Variants in LRMDA observed in about 807,000 individuals in gnomAD.
LRMDA encodes the protein leucine rich melanocyte differentiation associated.
LRMDA carries 18 observed loss-of-function variants against 29.8 expected under a neutral mutation model. The ratio of observed to expected loss-of-function variants is 0.60; its 90% CI spans 0.42 to 0.90. LRMDA has a LOEUF of 0.90. LRMDA is among the 40% of genes least tolerant of loss of function. The pLI is 0.00. For missense variants in LRMDA, 273 were observed against 273.9 expected (o/e 1.00, Z 0.02); for synonymous variants, 125 against 109.4 (o/e 1.14, Z -0.89).
At chr10:76,551,225 A>G (rs1351399475) in intron 6 of LRMDA, among the ~76,000 whole-genome samples, 1 of 152,164 alleles carries the variant, frequency 6.6e-6, no homozygotes, top group African/African-American at 2.4e-5. Context: ...TAAAAACACC[A>G]CCACGATTTA....
At chr10:75,873,548 T>C (rs1845147586) in intron 2 of LRMDA, among the ~76,000 whole-genome samples, 1 of 152,210 alleles carries the variant, frequency 6.6e-6, no homozygotes, top group African/African-American at 2.4e-5. Flanking sequence ...GCAATGTTTT[T>C]GTGGTAAACC....
At chr10:76,200,255 C>T (rs1248320513) in intron 5 of LRMDA, among the ~76,000 whole-genome samples, 1 of 152,188 alleles carries the variant, frequency 6.6e-6, no homozygotes, top group Non-Finnish European at 1.5e-5. Context: ...TGAGCCACTG[C>T]ATCCAGCTTA....
rs1384154818 is a variant in LRMDA at position 76,175,027 on chromosome 10, A to T, written c.516+116244A>T. ...TCCCAGCTACTCAGGAGGCTAAGGC[A>T]GGAGAATCGCTTCAACCTGGGGAGG... On this transcript the variant is annotated intron_variant, in intron 5 of 6. Coordinates refer to ENST00000611255, the MANE Select transcript of LRMDA (RefSeq NM_001305581.2). Among the ~76,000 whole-genome samples, 8 of 152,218 alleles carry T rather than the reference A, an allele frequency of 5.3e-5. No homozygotes were observed. The East Asian group carries it at 1.5e-3, about 29-fold the overall frequency.
At chr10:75,503,475 A>G (rs954216756) in intron 2 of LRMDA, among the ~76,000 whole-genome samples, 15 of 151,782 alleles carry the variant, frequency 9.9e-5, no homozygotes, top group African/African-American at 3.6e-4. Flanking sequence ...CACAGCCCCC[A>G]TGATTTAGTT....
intron 6 of LRMDA, among the ~76,000 whole-genome samples, chr10:76,370,272 T>C (rs1032844428): frequency 6.6e-6 from 1 of 152,016 alleles, no homozygotes; most frequent in Non-Finnish European, 1.5e-5. Flanking sequence ...AAAAAACCCA[T>C]CCAGCTATAA....
At chr10:75,782,951 T>G in intron 2 of LRMDA, 1 of 1,613,866 alleles carries the variant, frequency 6.2e-7, no homozygotes, top group Non-Finnish European at 8.5e-7. Context: ...AGAATTTGAA[T>G]GTCAATATCT....
chr10:75,971,312 C>A (rs1846965309), intron 2 of LRMDA, among the ~76,000 whole-genome samples: 1 of 152,176 alleles, frequency 6.6e-6, no homozygotes, highest in Admixed American at 6.5e-5. Flanking sequence ...CCTCTCGCAG[C>A]AGGAAAACAG....
At chr10:76,214,048 G>A (rs765657837) in intron 5 of LRMDA, among the ~76,000 whole-genome samples, 4 of 152,156 alleles carry the variant, frequency 2.6e-5, no homozygotes, top group Non-Finnish European at 5.9e-5. Context: ...GCCCATGGAG[G>A]TGAGGGAGAC....
chr10:76,151,672 G>T (rs538521372), intron 5 of LRMDA, among the ~76,000 whole-genome samples: 2 of 152,134 alleles, frequency 1.3e-5, no homozygotes, highest in Non-Finnish European at 2.9e-5. Context: ...AGTATTTTTT[G>T]TTGTTGTTGT....
At chr10:76,401,405 G>A (rs2132496787) in intron 6 of LRMDA, among the ~76,000 whole-genome samples, 1 of 152,308 alleles carries the variant, frequency 6.6e-6, no homozygotes, top group Non-Finnish European at 1.5e-5. Context: ...GCTTAGAAAG[G>A]GACCTTGTTC....
intron 2 of LRMDA, among the ~76,000 whole-genome samples, chr10:75,616,357 G>A (rs943584549): frequency 2.6e-5 from 4 of 152,164 alleles, no homozygotes; most frequent in Non-Finnish European, 4.4e-5. Context: ...TTGACATATG[G>A]GGATTATTGC....
chr10:76,448,876 T>C (rs1842378593), intron 6 of LRMDA, among the ~76,000 whole-genome samples: 1 of 152,044 alleles, frequency 6.6e-6, no homozygotes, highest in Non-Finnish European at 1.5e-5. Context: ...TGAGTCTATA[T>C]TCTGTAAGTC....
chr10:76,462,044 G>C (rs1278814385), intron 6 of LRMDA, among the ~76,000 whole-genome samples: 3 of 127,854 alleles, frequency 2.3e-5, no homozygotes, highest in African/African-American at 8.7e-5. Flanking sequence ...GAGGACCACA[G>C]AGGGAACTCT....
chr10:76,014,763 C>G (rs563483768), intron 2 of LRMDA, among the ~76,000 whole-genome samples: 4 of 152,166 alleles, frequency 2.6e-5, no homozygotes, highest in Non-Finnish European at 4.4e-5. Context: ...TAGAAGGAAG[C>G]CTGTATGGTA....
intron 5 of LRMDA, among the ~76,000 whole-genome samples, chr10:76,094,370 G>T (rs550562256): frequency 6.6e-6 from 1 of 151,968 alleles, no homozygotes; most frequent in South Asian, 2.1e-4. Flanking sequence ...TTTTATTTCC[G>T]TATATGTGAA....
At chr10:75,821,721 A>G (rs1005403188) in intron 2 of LRMDA, among the ~76,000 whole-genome samples, 2 of 152,172 alleles carry the variant, frequency 1.3e-5, no homozygotes, top group Non-Finnish European at 2.9e-5. Flanking sequence ...GTGAGCCGAG[A>G]TCACGCCACT....
intron 2 of LRMDA, among the ~76,000 whole-genome samples, chr10:75,917,959 GCGCA>G (rs1196594151): frequency 2.7e-5 from 3 of 111,960 alleles, no homozygotes; most frequent in African/African-American, 9.2e-5. Context: ...ATGCACATGT[GCGCA>G]CACACACACA....
chr10:76,176,249 C>T (rs568419059), intron 5 of LRMDA, among the ~76,000 whole-genome samples: 9 of 152,196 alleles, frequency 5.9e-5, no homozygotes, highest in South Asian at 2.1e-4. Flanking sequence ...GCTTGGCATC[C>T]GGCGTCTATC....
At chr10:75,623,730 C>T (rs193171546) in intron 2 of LRMDA, among the ~76,000 whole-genome samples, 1 of 152,186 alleles carries the variant, frequency 6.6e-6, no homozygotes, top group East Asian at 1.9e-4. Flanking sequence ...TTGTGGCTAA[C>T]AGAATGCTGA....
Sources: gnomAD v4.1 joint callset for allele counts (sites outside exome capture counted in the v4.1 genomes callset) on GRCh38, gnomAD v4.1.1 for gene constraint, MANE v1.5 for transcripts, NCBI Gene and HGNC (gene_info 2026-07-23, HGNC 2026-07-21) for gene names.